Variants in LPL observed in about 807,000 individuals in gnomAD.
LPL encodes the protein phospholipase A1.
LPL carries 43 observed loss-of-function variants against 52.2 expected under a neutral mutation model. That is an observed-to-expected ratio of 0.82 (90% CI 0.64 to 1.06). The LOEUF is 1.06. Among genes scored for constraint, LPL ranks in the 50% least tolerant of loss-of-function variants. The pLI is 0.00. For synonymous variants in LPL, 244 were observed against 215.6 expected (o/e 1.13, Z -1.15); for missense variants, 639 against 585.3 (o/e 1.09, Z -0.95).
In LPL at chr8:19,959,276, A is replaced by T. The variant is rs1267893391; in HGVS notation, c.1035A>T (p.Val345=). 1 of 1,614,142 alleles carries T rather than the reference A, an allele frequency of 6.2e-7. No homozygotes were observed. Among genetic ancestry groups the T allele is most frequent in the Admixed American group, 1.7e-5 (1 of 60,010 alleles). The change falls in exon 7 of 10, where the codon GTA becomes GTT. Residue 345 remains valine (V), a synonymous_variant. Transcript: ENST00000650287. The stretch of plus-strand genomic sequence containing the variant: ...CCCCAACAGTCTTCCATTACCAAGT[A>T]AAGATTCATTTTTCTGGGACTGAGA... ...QMPYKVFHYQ[V]KIHFSGTESE...
intron 1 of LPL, among the ~76,000 whole-genome samples, chr8:19,940,629 T>C (rs2069829534): frequency 6.6e-6 from 1 of 152,260 alleles, no homozygotes; most frequent in South Asian, 2.1e-4. Flanking sequence ...ACATTTCCTT[T>C]TTTCTTCCAT....
intron 2 of LPL, 121 bp downstream of exon 2, chr8:19,948,461 C>A: frequency 8.5e-7 from 1 of 1,173,644 alleles, no homozygotes; most frequent in Non-Finnish European, 1.2e-6. Flanking sequence ...TCTCCTTACA[C>A]TTGAATAAAG....
chr8:19,953,880 G>C (rs1283616017), intron 4 of LPL, among the ~76,000 whole-genome samples: 2 of 152,250 alleles, frequency 1.3e-5, no homozygotes, highest in African/African-American at 2.4e-5. Flanking sequence ...ATCTACAAAA[G>C]GAAATCCAGC....
chr8:19,957,487 G>A (rs1480728202), intron 6 of LPL, among the ~76,000 whole-genome samples: 5 of 152,168 alleles, frequency 3.3e-5, no homozygotes, highest in Admixed American at 3.3e-4. Context: ...GGTAAAGAGA[G>A]GACTGTGGGA....
At position 19,962,204 on chromosome 8, in the gene LPL, A is replaced by G. The variant is rs1469095124; in HGVS notation, c.1412A>G (p.Asn471Ser). Residue 471 changes from asparagine to serine, a missense_variant, in exon 9 of 10, where the codon AAT (asparagine) becomes AGT (serine). Physicochemically the swap from Asn to Ser is conservative, Grantham distance 46. Coordinates refer to ENST00000650287, the MANE Select transcript of LPL (RefSeq NM_000237.3). ...VFVKCHDKSL[N>S]KKSG ...GTGAAATGCCATGACAAGTCTCTGA[A>G]TAAGAAGTCAGGCTGGTGAGCATTC... The G allele has an allele frequency of 6.2e-7, 1 of 1,613,532 alleles. No homozygotes were observed. Among genetic ancestry groups the G allele is most frequent in the East Asian group, 2.2e-5 (1 of 44,876 alleles).
In LPL at chr8:19,961,936, C is replaced by G. The variant is rs7005541; in HGVS notation, c.1323-179C>G. Among the ~76,000 whole-genome samples, 1,179 of 152,242 alleles carry G rather than the reference C, an allele frequency of 7.7e-3. 21 individuals are homozygous for G. Among genetic ancestry groups the G allele is most frequent in the African/African-American group, 0.027 (1,116 of 41,526 alleles). ...CTTGGTTGCTGAACACCAGGTTAGGCTCTCAAATTACCCTCTGATTCTGAT... is the reference window on the plus strand; with the variant it reads ...CTTGGTTGCTGAACACCAGGTTAGGGTCTCAAATTACCCTCTGATTCTGAT... On this transcript the variant is annotated intron_variant, in intron 8 of 9. Coordinates refer to ENST00000650287, the MANE Select transcript of LPL (RefSeq NM_000237.3).
Position 19,967,086 on chromosome 8 carries a change from T to C in LPL, c.*1776T>C, listed in dbSNP as rs1349323905. The C allele has an allele frequency of 2.0e-5, 3 of 152,308 alleles. No homozygotes were observed. The highest frequency in any genetic ancestry group is 4.4e-5 in the Non-Finnish European group (3 of 68,008). The allele number at this position is 152,308 out of a possible 1,614,324, so 9.4% of individuals were successfully genotyped here. On this transcript the variant is annotated 3_prime_UTR_variant, in exon 10 of 10. Transcript: ENST00000650287. ...TACATATTGGAAAGGTCATTGTGGC[T>C]ATCTGCATTTATAAATGTGTGGTGC...
chr8:19,951,834 C>A lies in LPL; in HGVS notation c.315C>A (p.Asp105Glu), dbSNP rs1252117925. The A allele has an allele frequency of 9.3e-6, 15 of 1,614,046 alleles. No homozygotes were observed. The highest frequency in any genetic ancestry group is 1.3e-5 in the Non-Finnish European group (15 of 1,180,048). The change falls in exon 3 of 10, where the codon GAC becomes GAA. Residue 105 changes from aspartate (D) to glutamate (E), a missense_variant. Coordinates refer to ENST00000650287, the MANE Select transcript of LPL (RefSeq NM_000237.3). ...CCGCCCTGTACAAGAGAGAACCAGA[C>A]TCCAATGTCATTGTGGTGGACTGGC... is the stretch of plus-strand genomic sequence containing the variant. ...LVAALYKREP[D>E]SNVIVVDWLS...
In LPL at chr8:19,950,446, A is replaced by G. The variant is rs1281206512; in HGVS notation, c.250-1323A>G. On this transcript the variant is annotated intron_variant, in intron 2 of 9. Transcript: ENST00000650287. This position sits in a 1 kb window ranked among gnomAD's most constrained non-coding sequence, Gnocchi z 4.2. ...GATTCAATTAGCTATTGTTCGGTTAATAAAAATGTCAGCCACTGTAGGAGT... is the reference window on the plus strand; with the variant it reads ...GATTCAATTAGCTATTGTTCGGTTAGTAAAAATGTCAGCCACTGTAGGAGT... Among the ~76,000 whole-genome samples, 4 of 152,184 alleles carry G rather than the reference A, an allele frequency of 2.6e-5. No individual in the cohort carries two copies. The highest frequency in any genetic ancestry group is 9.7e-5 in the African/African-American group (4 of 41,442).
intron 1 of LPL, among the ~76,000 whole-genome samples, chr8:19,945,202 G>A (rs971969304): frequency 2.6e-5 from 4 of 152,050 alleles, no homozygotes; most frequent in African/African-American, 9.7e-5. Context: ...AGGATGCATT[G>A]GGACAAATAA....
At chr8:19,951,686 A>T in intron 2 of LPL, 83 bp from the exon 3 acceptor site, 6 of 1,488,986 alleles carry the variant, frequency 4.0e-6, no homozygotes, top group Non-Finnish European at 5.6e-6. Context: ...TGTTTTTTCC[A>T]TTTCATGCAG....
intron 8 of LPL, among the ~76,000 whole-genome samples, 183 bp downstream of exon 8, chr8:19,961,266 G>C (rs1347129193): frequency 6.8e-6 from 1 of 148,116 alleles, no homozygotes; most frequent in South Asian, 2.2e-4. Flanking sequence ...GGGCAGGGGG[G>C]GGGAAGTGAC....
In LPL at chr8:19,959,360, T is replaced by C; in HGVS notation, c.1119T>C (p.Ser373=). ...CTCTGTATGGCACCGTGGCCGAGAG[T>C]GAGAACATCCCATTCACTCTGTGAG... ...EISLYGTVAE[S]ENIPFTLPEV... The change falls in exon 7 of 10, where the codon AGT becomes AGC. Residue 373 remains serine, a synonymous_variant. Transcript: ENST00000650287. 1 of 1,613,984 alleles carries C rather than the reference T, an allele frequency of 6.2e-7. No individual in the cohort carries two copies. The highest frequency in any genetic ancestry group is 8.5e-7 in the Non-Finnish European group (1 of 1,179,992).
intron 5 of LPL, among the ~76,000 whole-genome samples, chr8:19,955,090 G>T (rs2069971874): frequency 6.6e-6 from 1 of 152,122 alleles, no homozygotes. Context: ...GCACGTAATA[G>T]AACTTAGAGC....
chr8:19,951,023 T>C (rs1435937277), intron 2 of LPL, among the ~76,000 whole-genome samples: 1 of 152,100 alleles, frequency 6.6e-6, no homozygotes, highest in Non-Finnish European at 1.5e-5. Flanking sequence ...GTAAACCCGA[T>C]TTTCTTGCCT....
At position 19,958,246 on chromosome 8, in the gene LPL, T is replaced by C. The variant is rs548839689; in HGVS notation, c.1019-1014T>C. Among the ~76,000 whole-genome samples the C allele has an allele frequency of 5.3e-5, 8 of 152,248 alleles. No individual in the cohort carries two copies. In the East Asian group the frequency reaches 1.5e-3, roughly 29 times the overall value. ...CATGTTGGCCAAGCTAGTCTCAAACTCCTGACCTCAGGTGATTCACCCACC... is the reference window on the plus strand; with the variant it reads ...CATGTTGGCCAAGCTAGTCTCAAACCCCTGACCTCAGGTGATTCACCCACC... On this transcript the variant is annotated intron_variant, in intron 6 of 9. Transcript: ENST00000650287.
chr8:19,959,152 G>A (rs1027898172), intron 6 of LPL, 108 bp from the exon 7 acceptor site: 44 of 1,381,302 alleles, frequency 3.2e-5, no homozygotes, highest in African/African-American at 1.9e-4. Context: ...GTGCACTTCC[G>A]GTTTGAGTGC....
chr8:19,962,112 C>T lies in LPL; in HGVS notation c.1323-3C>T, dbSNP rs762203570. 5.0e-6 allele frequency: 8 copies of T among 1,604,768 alleles called. No homozygotes were observed. In the East Asian group the frequency reaches 1.1e-4, roughly 22 times the overall value. The stretch of plus-strand genomic sequence containing the variant: ...GCATATTCACATCCATTTTCTTCCA[C>T]AGGGTGATCTTCTGTTCTAGGGAGA... On this transcript the variant is annotated splice_region_variant and splice_polypyrimidine_tract_variant and intron_variant, in intron 8 of 9. Coordinates refer to ENST00000650287, the MANE Select transcript of LPL (RefSeq NM_000237.3).
rs938777471 is a variant in LPL at position 19,944,282 on chromosome 8, A to G, written c.89-3898A>G. Among the ~76,000 whole-genome samples, 3 of 152,170 alleles carry G rather than the reference A, an allele frequency of 2.0e-5. No homozygotes were observed. The highest frequency in any genetic ancestry group is 7.2e-5 in the African/African-American group (3 of 41,440). On this transcript the variant is annotated intron_variant, in intron 1 of 9. Transcript: ENST00000650287. The surrounding 1 kb of genome is among the most constrained non-coding windows in gnomAD (Gnocchi z 4.2). ...TTAGAATATCTGAACAGACCAATCA[A>G]TTCAGTCTGATCATGATATTGATGT...
Sources: allele counts gnomAD v4.1 joint callset (sites outside exome capture counted in the v4.1 genomes callset), GRCh38; gene constraint gnomAD v4.1.1; non-coding constraint Gnocchi (gnomAD v3.1); transcripts MANE v1.5; gene names NCBI Gene and HGNC (gene_info 2026-07-23, HGNC 2026-07-21).